LARP1: variants seen among roughly 807,000 people sequenced by gnomAD.
The protein encoded by LARP1 is la-related protein 1.
LARP1 carries 36 observed loss-of-function variants against 122.7 expected under a neutral mutation model. That is an observed-to-expected ratio of 0.29 (90% confidence interval 0.22 to 0.39). The LOEUF is 0.39. LARP1 is among the 10% of genes least tolerant of loss of function. LARP1 has a pLI of 1.00. For synonymous variants in LARP1, 539 were observed against 528.7 expected (o/e 1.02, Z -0.27); for missense variants, 1,040 against 1,403.6 (o/e 0.74, Z 4.14).
At chr5:154,767,294 G>A (rs144207255) in intron 1 of LARP1, among the ~76,000 whole-genome samples, 105 of 152,332 alleles carry the variant, frequency 6.9e-4, no homozygotes, top group African/African-American at 2.5e-3. Flanking sequence ...ATAGTAATAC[G>A]TGGTAATGGT....
At chr5:154,692,988 A>ATTT (rs113484244) in intron 1 of LARP1, among the ~76,000 whole-genome samples, 10,126 of 141,868 alleles carry the variant, frequency 0.071, 917 homozygotes, top group African/African-American at 0.2. Flanking sequence ...TTAATTTTTA[A>ATTT]TTATTTTTTT....
chr5:154,790,279 C>T (rs751398032), intron 1 of LARP1, 46 bp from the exon 2 acceptor site: 10 of 1,548,164 alleles, frequency 6.5e-6, no homozygotes, highest in East Asian at 2.3e-5. Context: ...CAGTAGCCCC[C>T]TCACATGGGC....
intron 8 of LARP1, among the ~76,000 whole-genome samples, chr5:154,796,819 T>C (rs1175446136): frequency 1.3e-5 from 2 of 152,228 alleles, no homozygotes; most frequent in Non-Finnish European, 2.9e-5. Context: ...GGCAGATTAA[T>C]GTTTGATCTT....
intron 1 of LARP1, among the ~76,000 whole-genome samples, chr5:154,742,310 C>T (rs1051863771): frequency 6.6e-6 from 1 of 152,176 alleles, no homozygotes; most frequent in Admixed American, 6.5e-5. Context: ...ACCTGTAATC[C>T]CAGCACATTG....
intron 1 of LARP1, among the ~76,000 whole-genome samples, chr5:154,717,465 T>C (rs1183749601): frequency 6.6e-6 from 1 of 152,230 alleles, no homozygotes; most frequent in Admixed American, 6.5e-5. Context: ...CTAGCCATAC[T>C]CTGAAATAAC....
intron 1 of LARP1, among the ~76,000 whole-genome samples, chr5:154,789,517 G>A (rs1047116932): frequency 6.6e-6 from 1 of 152,050 alleles, no homozygotes. Context: ...CACTGCGCCT[G>A]GCCACAAACA....
intron 1 of LARP1, among the ~76,000 whole-genome samples, chr5:154,777,478 G>A (rs1334172416): frequency 3.9e-5 from 6 of 152,116 alleles, no homozygotes; most frequent in East Asian, 1.9e-4. Flanking sequence ...CAGAGATCAC[G>A]CCACTGCACT....
intron 14 of LARP1, chr5:154,805,200 C>T: frequency 6.9e-6 from 2 of 290,034 alleles, no homozygotes; most frequent in South Asian, 3.2e-5. Context: ...CAAACCTGTA[C>T]ACATACCTCT....
chr5:154,808,303 A>G lies in LARP1; in HGVS notation c.2699-156A>G, dbSNP rs147340194. 2.0e-5 allele frequency among the ~76,000 whole-genome samples: 3 copies of G among 152,330 alleles called. No homozygotes were observed. In the East Asian group the frequency reaches 5.8e-4, roughly 29 times the overall value. On this transcript the variant is annotated intron_variant, in intron 15 of 18. Coordinates refer to ENST00000518297, the MANE Select transcript of LARP1 (RefSeq NM_033551.3). The stretch of plus-strand genomic sequence containing the variant: ...GCCTGGGGCAGAGTGGTTAGTGCTC[A>G]ATAGATATCTGCTGAATGACTGAGT...
rs529514491 is a variant in LARP1 at position 154,817,139 on chromosome 5, G to C, written c.*3043G>C. ...GAAGATGACTAGTTACGGAGGGTGA[G>C]GGTTGTTTTTTGCCAAAAAGCCTGG... On this transcript the variant is annotated 3_prime_UTR_variant, in exon 19 of 19. Coordinates refer to ENST00000518297, the MANE Select transcript of LARP1 (RefSeq NM_033551.3). The C allele has an allele frequency of 6.6e-6, 1 of 152,124 alleles. No individual in the cohort carries two copies. Among genetic ancestry groups the C allele is most frequent in the Non-Finnish European group, 1.5e-5 (1 of 68,050 alleles). The allele number at this position is 152,124 out of a possible 1,614,324, so 9.4% of individuals were successfully genotyped here.
intron 1 of LARP1, among the ~76,000 whole-genome samples, chr5:154,728,582 A>G (rs567835364): frequency 7.9e-4 from 120 of 152,266 alleles, no homozygotes; most frequent in Non-Finnish European, 1.3e-3. Flanking sequence ...GCCAACACCA[A>G]CCACCAGACA....
chr5:154,690,973 ATCAGGGCTGGGCACGGTGGC>A (rs1307691747), intron 1 of LARP1, among the ~76,000 whole-genome samples: 1 of 152,228 alleles, frequency 6.6e-6, no homozygotes, highest in African/African-American at 2.4e-5. Context: ...AAGAAAGAGT[ATCAGGGCTGGGCACGGTGGC>A]TCATGCCTGT....
intron 1 of LARP1, among the ~76,000 whole-genome samples, chr5:154,720,156 A>T (rs1174063559): frequency 6.6e-6 from 1 of 152,106 alleles, no homozygotes. Flanking sequence ...GCACCACTGC[A>T]TTCCAGCCTG....
intron 1 of LARP1, among the ~76,000 whole-genome samples, chr5:154,720,987 A>T (rs1351712690): frequency 6.6e-6 from 1 of 151,946 alleles, no homozygotes; most frequent in Non-Finnish European, 1.5e-5. Flanking sequence ...TCAGCTTGAG[A>T]AGGTTCTTTT....
intron 1 of LARP1, among the ~76,000 whole-genome samples, chr5:154,764,595 C>T (rs1234686933): frequency 1.8e-4 from 8 of 44,888 alleles, no homozygotes; most frequent in Non-Finnish European, 3.0e-4. Context: ...GACCATGTCT[C>T]AAAAAAAAAA....
chr5:154,811,151 A>G, intron 16 of LARP1, 96 bp from the exon 17 acceptor site: 1 of 844,262 alleles, frequency 1.2e-6, no homozygotes, highest in Non-Finnish European at 2.0e-6. Context: ...AATAACATGT[A>G]GTTTAAACTG....
At chr5:154,756,251 C>T (rs1753884489) in intron 1 of LARP1, 58 bp downstream of exon 1, 3 of 1,142,948 alleles carry the variant, frequency 2.6e-6, no homozygotes, top group Non-Finnish European at 3.3e-6. Context: ...ACATGGGAGT[C>T]CCCTCCCCCA....
intron 1 of LARP1, among the ~76,000 whole-genome samples, chr5:154,781,332 G>A (rs1000821774): frequency 2.6e-5 from 4 of 151,978 alleles, no homozygotes; most frequent in South Asian, 2.1e-4. Context: ...CTGGGCTCAC[G>A]CCTGTAATCC....
At chr5:154,736,473 C>T (rs1057410872) in intron 1 of LARP1, among the ~76,000 whole-genome samples, 23 of 152,010 alleles carry the variant, frequency 1.5e-4, no homozygotes, top group African/African-American at 4.8e-4. Context: ...TCAAGGGATC[C>T]TCCTACTTTG....
Sources: allele counts gnomAD v4.1 joint callset (sites outside exome capture counted in the v4.1 genomes callset), GRCh38; gene constraint gnomAD v4.1.1; transcripts MANE v1.5; gene names NCBI Gene and HGNC (gene_info 2026-07-23, HGNC 2026-07-21).